Variants in KHDRBS2 observed in about 807,000 individuals in gnomAD.
The protein encoded by KHDRBS2 is KH RNA binding domain containing, signal transduction associated 2.
In KHDRBS2, 26 loss-of-function variants were observed where a neutral mutation model predicts 44.3. The observed-to-expected ratio is 0.59, with a 90% CI of 0.43 to 0.81. KHDRBS2 has a LOEUF of 0.81. Among genes scored for constraint, KHDRBS2 ranks in the 40% least tolerant of loss-of-function variants. The pLI, the probability that KHDRBS2 is intolerant of heterozygous loss-of-function variation, is 0.00. For synonymous variants in KHDRBS2, 194 were observed against 151.1 expected (o/e 1.28, Z -2.08); for missense variants, 476 against 433.1 (o/e 1.10, Z -0.88).
chr6:61,818,497 G>A (rs1562241868), intron 6 of KHDRBS2, among the ~76,000 whole-genome samples: 1 of 151,848 alleles, frequency 6.6e-6, no homozygotes, highest in Admixed American at 6.6e-5. Context: ...AGGAAATGAA[G>A]GATCCTGGTC....
At chr6:62,106,862 T>C (rs972742629) in intron 2 of KHDRBS2, among the ~76,000 whole-genome samples, 1 of 151,992 alleles carries the variant, frequency 6.6e-6, no homozygotes, top group Non-Finnish European at 1.5e-5. Flanking sequence ...TCTCAATAGA[T>C]GCAGAAAAGG....
chr6:62,076,452 C>T (rs1431318774), intron 2 of KHDRBS2, among the ~76,000 whole-genome samples: 1 of 151,916 alleles, frequency 6.6e-6, no homozygotes, highest in Non-Finnish European at 1.5e-5. Context: ...TCAAAGAAGT[C>T]AAGGTTCATT....
chr6:61,650,532 G>A, the KHDRBS2 span, among the ~76,000 whole-genome samples: 2 of 151,902 alleles, frequency 1.3e-5, no homozygotes, highest in South Asian at 2.1e-4. Context: ...AGTCAGATGG[G>A]AAAGGTCTCT....
chr6:62,260,987 C>T (rs1464794976), intron 1 of KHDRBS2, among the ~76,000 whole-genome samples: 1 of 151,794 alleles, frequency 6.6e-6, no homozygotes. Context: ...TTCTCAGAGC[C>T]AGAATTCTCT....
intron 2 of KHDRBS2, among the ~76,000 whole-genome samples, chr6:62,124,004 C>T (rs185201797): frequency 2.0e-5 from 3 of 152,262 alleles, no homozygotes; most frequent in Admixed American, 2.0e-4. Context: ...TTATACTTGC[C>T]CTTTTCATTG....
At chr6:62,084,033 C>T (rs1797938587) in intron 2 of KHDRBS2, among the ~76,000 whole-genome samples, 2 of 151,860 alleles carry the variant, frequency 1.3e-5, no homozygotes, top group Non-Finnish European at 2.9e-5. Context: ...ATGATATAAC[C>T]AGATATTTTG....
intron 2 of KHDRBS2, among the ~76,000 whole-genome samples, chr6:62,106,772 G>T (rs1210085661): frequency 3.3e-5 from 5 of 152,170 alleles, no homozygotes; most frequent in Admixed American, 2.0e-4. Context: ...TCCCTGGGAT[G>T]CAAGGCTGGT....
At chr6:61,677,310 T>G (rs1476990135), downstream of KHDRBS2, among the ~76,000 whole-genome samples, 1 of 151,892 alleles carries the variant, frequency 6.6e-6, no homozygotes, top group African/African-American at 2.4e-5. Context: ...ATGAGTAGGA[T>G]GTCTGGGTGA....
At chr6:61,772,984 G>A (rs567141480) in intron 6 of KHDRBS2, among the ~76,000 whole-genome samples, 1 of 152,210 alleles carries the variant, frequency 6.6e-6, no homozygotes, top group South Asian at 2.1e-4. Flanking sequence ...CATTTTTTAT[G>A]TCTGCATAGT....
At chr6:61,736,082 C>T (rs933309659) in intron 6 of KHDRBS2, among the ~76,000 whole-genome samples, 7 of 149,798 alleles carry the variant, frequency 4.7e-5, no homozygotes, top group African/African-American at 1.5e-4. Context: ...GAAAATGTCT[C>T]TCCATTTTTT....
At position 62,119,581 on chromosome 6, in the gene KHDRBS2, T is replaced by C. The variant is rs149560501; in HGVS notation, c.219+57604A>G. 2.1e-3 allele frequency among the ~76,000 whole-genome samples: 314 copies of C among 152,144 alleles called. 3 individuals carry two copies. The highest frequency in any genetic ancestry group is 5.6e-3 in the East Asian group (29 of 5,158). On this transcript the variant is annotated intron_variant, in intron 2 of 8. Coordinates refer to ENST00000281156, the MANE Select transcript of KHDRBS2 (RefSeq NM_152688.4). The stretch of plus-strand genomic sequence containing the variant: ...TCTACTGATAAAGTAAGGGCAATGA[T>C]TGGAAAAGAATGGGACCCTGCATCT...
At chr6:62,175,569 T>A (rs1161791658) in intron 2 of KHDRBS2, among the ~76,000 whole-genome samples, 1 of 151,544 alleles carries the variant, frequency 6.6e-6, no homozygotes, top group Non-Finnish European at 1.5e-5. Context: ...AATAAAAGTT[T>A]TATATATTCT....
intron 2 of KHDRBS2, among the ~76,000 whole-genome samples, chr6:62,104,452 C>A (rs1432111283): frequency 6.6e-6 from 1 of 151,992 alleles, no homozygotes; most frequent in African/African-American, 2.4e-5. Context: ...TCGTTATGTT[C>A]TATTACCATA....
At chr6:61,573,266 G>A in the KHDRBS2 span, among the ~76,000 whole-genome samples, 1 of 152,144 alleles carries the variant, frequency 6.6e-6, no homozygotes, top group African/African-American at 2.4e-5. Flanking sequence ...AACTAAGGAA[G>A]TAAAAGATCT....
the KHDRBS2 span, among the ~76,000 whole-genome samples, chr6:61,543,127 T>TA: frequency 2.0e-5 from 3 of 151,860 alleles, no homozygotes; most frequent in African/African-American, 7.3e-5. Context: ...CACATCATGT[T>TA]AAAAACCTTC....
chr6:62,163,618 G>C (rs1481608220), intron 2 of KHDRBS2, among the ~76,000 whole-genome samples: 1 of 151,978 alleles, frequency 6.6e-6, no homozygotes, highest in African/African-American at 2.4e-5. Flanking sequence ...AATCTTAGCA[G>C]TCTGTGTCCA....
intron 6 of KHDRBS2, among the ~76,000 whole-genome samples, chr6:61,786,200 G>C (rs572618791): frequency 6.6e-6 from 1 of 152,006 alleles, no homozygotes; most frequent in Non-Finnish European, 1.5e-5. Context: ...GGGAGAGAGA[G>C]AGAGAACAGA....
chr6:62,018,168 A>T (rs1356313521), intron 3 of KHDRBS2, among the ~76,000 whole-genome samples: 6 of 149,698 alleles, frequency 4.0e-5, no homozygotes, highest in Non-Finnish European at 7.4e-5. Flanking sequence ...TTTGAGACGG[A>T]GTCTTGCTCC....
At chr6:62,269,308 A>G in intron 1 of KHDRBS2, among the ~76,000 whole-genome samples, 1 of 152,104 alleles carries the variant, frequency 6.6e-6, no homozygotes. Context: ...GCTGAGCCAC[A>G]TATTAGGGAA....
Sources: gnomAD v4.1 joint callset for allele counts (sites outside exome capture counted in the v4.1 genomes callset) on GRCh38, gnomAD v4.1.1 for gene constraint, MANE v1.5 for transcripts, NCBI Gene and HGNC (gene_info 2026-07-23, HGNC 2026-07-21) for gene names.